The following MTA3 variants were observed in gnomAD, a reference collection of about 807,000 sequenced individuals.
The protein encoded by MTA3 is metastasis associated 1 family member 3, also known as metastasis-associated protein MTA3.
MTA3 carries 34 observed loss-of-function variants against 83.5 expected under a neutral mutation model. That is an observed-to-expected ratio of 0.41 (90% CI 0.31 to 0.54). The LOEUF (loss-of-function observed/expected upper bound fraction) is 0.54. Among genes scored for constraint, MTA3 ranks in the 20% least tolerant of loss-of-function variants. The pLI, the probability that MTA3 is intolerant of heterozygous loss-of-function variation, is 0.33. For synonymous variants in MTA3, 303 were observed against 252.7 expected (o/e 1.20, Z -1.89); for missense variants, 761 against 726.4 (o/e 1.05, Z -0.55).
rs1189918591 is a variant in MTA3 at position 42,718,309 on chromosome 2, G to A, written c.1526-679G>A. The stretch of plus-strand genomic sequence containing the variant: ...GTTGCCCAGGCTGGAGTGCAATGGC[G>A]TGATCTTGGCTCACCGCAATGTCCA... On this transcript the variant is annotated intron_variant, in intron 14 of 16. Transcript: ENST00000405094. 3.9e-5 allele frequency among the ~76,000 whole-genome samples: 6 copies of A among 151,900 alleles called. No homozygotes were observed. The East Asian group carries it at 7.9e-4, about 20-fold the overall frequency.
chr2:42,513,901 A>C (rs776410877), intron 2 of MTA3, among the ~76,000 whole-genome samples: 13 of 152,328 alleles, frequency 8.5e-5, no homozygotes, highest in East Asian at 5.8e-4. Context: ...AAATTGAGAC[A>C]GACATGAGAG....
chr2:42,630,269 A>G (rs1419705297), intron 4 of MTA3, among the ~76,000 whole-genome samples: 1 of 152,170 alleles, frequency 6.6e-6, no homozygotes, highest in Admixed American at 6.6e-5. Flanking sequence ...ACTTAATTGT[A>G]ACTACATTTC....
chr2:42,532,050 C>G (rs1325103921), intron 2 of MTA3, among the ~76,000 whole-genome samples: 1 of 152,220 alleles, frequency 6.6e-6, no homozygotes, highest in Non-Finnish European at 1.5e-5. Context: ...GCCACCACGC[C>G]CGACCAAAAT....
intron 9 of MTA3, among the ~76,000 whole-genome samples, chr2:42,691,443 C>T (rs887178142): frequency 1.3e-5 from 2 of 152,094 alleles, no homozygotes; most frequent in Non-Finnish European, 2.9e-5. Context: ...CCCTTTTTAA[C>T]TTTTTGTTGA....
At chr2:42,706,392 G>T (rs1666080916) in intron 12 of MTA3, among the ~76,000 whole-genome samples, 1 of 151,948 alleles carries the variant, frequency 6.6e-6, no homozygotes, top group African/African-American at 2.4e-5. Flanking sequence ...CCTAAAATAG[G>T]CCTAAAATAT....
intron 7 of MTA3, among the ~76,000 whole-genome samples, chr2:42,658,764 T>G (rs1187395012): frequency 6.6e-6 from 1 of 152,090 alleles, no homozygotes; most frequent in African/African-American, 2.4e-5. Context: ...GTATTTTAAT[T>G]AAAATATTTA....
intron 2 of MTA3, among the ~76,000 whole-genome samples, chr2:42,552,616 C>A (rs1283803835): frequency 1.4e-5 from 2 of 146,534 alleles, no homozygotes; most frequent in Non-Finnish European, 3.0e-5. Flanking sequence ...GGAAGAGACT[C>A]CTTGTCCAAA....
chr2:42,619,721 ATTTC>A (rs1297285728), intron 4 of MTA3, among the ~76,000 whole-genome samples: 2 of 152,188 alleles, frequency 1.3e-5, no homozygotes, highest in Non-Finnish European at 2.9e-5. Flanking sequence ...TCAAATTATT[ATTTC>A]TTTATGCCCA....
At chr2:42,680,546 A>G (rs1226946022) in intron 8 of MTA3, among the ~76,000 whole-genome samples, 2 of 152,160 alleles carry the variant, frequency 1.3e-5, no homozygotes, top group Non-Finnish European at 2.9e-5. Flanking sequence ...GAAAAACAGA[A>G]CTAGTTCTCA....
chr2:42,681,874 G>C (rs1217264851), intron 8 of MTA3, among the ~76,000 whole-genome samples: 3 of 148,018 alleles, frequency 2.0e-5, no homozygotes, highest in Non-Finnish European at 4.5e-5. Context: ...ATGGGTAACA[G>C]AGCAAGAGCC....
At chr2:42,594,273 A>G (rs1473248698) in intron 3 of MTA3, among the ~76,000 whole-genome samples, 1 of 126,834 alleles carries the variant, frequency 7.9e-6, no homozygotes. Context: ...TTTAAAAGAC[A>G]GTCCCTAGGC....
intron 2 of MTA3, among the ~76,000 whole-genome samples, chr2:42,578,494 G>A (rs1196856309): frequency 1.3e-5 from 2 of 152,168 alleles, no homozygotes; most frequent in Non-Finnish European, 1.5e-5. Flanking sequence ...ACTAAGTACT[G>A]CTTAGAATAT....
In MTA3 at chr2:42,682,570, A is replaced by G. The variant is rs746383652; in HGVS notation, c.872A>G (p.Asn291Ser). ...EALEKYGKDF[N>S]DIRQDFLPWK... ...CTGGAAAAATATGGCAAAGACTTCA[A>G]TGACATACGGCAAGATTTTGTAAGT... The change falls in exon 9 of 17, where the codon AAT (asparagine) becomes AGT (serine). Residue 291 changes from asparagine to serine, a missense_variant. By Grantham distance (46) the Asn-to-Ser change is conservative. Coordinates refer to ENST00000405094, the MANE Select transcript of MTA3 (RefSeq NM_001330442.2). 3.7e-5 allele frequency: 59 copies of G among 1,611,534 alleles called. No individual in the cohort carries two copies. In the South Asian group the frequency reaches 4.8e-4, roughly 13 times the overall value.
At chr2:42,517,042 C>T (rs11887529) in intron 2 of MTA3, among the ~76,000 whole-genome samples, 55,616 of 151,764 alleles carry the variant, frequency 0.37, 10,338 homozygotes, top group Middle Eastern at 0.49. Flanking sequence ...GGCAGATCAC[C>T]TGAGGTGAGG....
intron 2 of MTA3, among the ~76,000 whole-genome samples, chr2:42,552,361 C>A (rs1677152589): frequency 6.6e-6 from 1 of 152,146 alleles, no homozygotes; most frequent in African/African-American, 2.4e-5. Context: ...ATGAATAATA[C>A]AAGTGAATCT....
In MTA3 at chr2:42,729,086, GTTTT is replaced by G. The variant is rs1216600680; in HGVS notation, c.1759+6075_1759+6078del. On this transcript the variant is annotated intron_variant, in intron 16 of 16. Transcript: ENST00000405094. ...TTCTTTTATTAGTTTCACAGTTTGA[GTTTT>G]TTTTTTTTTTTTTTTTTTTTTTTCA... 9.3e-3 allele frequency among the ~76,000 whole-genome samples: 558 copies of G among 59,938 alleles called. 3 individuals carry two copies. Among genetic ancestry groups the G allele is most frequent in the African/African-American group, 0.032 (501 of 15,838 alleles). 39.3% of individuals were successfully genotyped at this position (59,938 alleles called of 152,430 possible). A position where few individuals can be genotyped will look rare whatever the true frequency, so the allele number is the denominator to read the frequency against.
At chr2:42,747,977 G>A (rs1469855292) in intron 16 of MTA3, among the ~76,000 whole-genome samples, 1 of 151,682 alleles carries the variant, frequency 6.6e-6, no homozygotes, top group Non-Finnish European at 1.5e-5. Context: ...TCACCCCCAG[G>A]TGACCACTGA....
Position 42,609,442 on chromosome 2 carries a change from A to G in MTA3, c.191-16A>G, listed in dbSNP as rs766058471. On this transcript the variant is annotated splice_polypyrimidine_tract_variant and intron_variant, in intron 3 of 16. Transcript: ENST00000405094. ...GTGCTTTGTACTAATAAATTCTTTGAATTTTATTTGTGTAGAAGAAATTGA... is the reference window on the plus strand; with the variant it reads ...GTGCTTTGTACTAATAAATTCTTTGGATTTTATTTGTGTAGAAGAAATTGA... The G allele has an allele frequency of 1.2e-6, 2 of 1,611,962 alleles. No homozygotes were observed. The highest frequency in any genetic ancestry group is 1.7e-6 in the Non-Finnish European group (2 of 1,178,674).
At chr2:42,697,752 T>A in intron 10 of MTA3, 24 bp from the exon 11 acceptor site, 1 of 1,494,986 alleles carries the variant, frequency 6.7e-7, no homozygotes, top group Non-Finnish European at 9.0e-7. Flanking sequence ...GCATGTAAAA[T>A]GTTTTATTCA....
Sources: allele counts gnomAD v4.1 joint callset (sites outside exome capture counted in the v4.1 genomes callset), GRCh38; gene constraint gnomAD v4.1.1; transcripts MANE v1.5; gene names NCBI Gene and HGNC (gene_info 2026-07-23, HGNC 2026-07-21).